The following AK5 variants were observed in gnomAD, a reference collection of about 807,000 sequenced individuals.
AK5 encodes the protein adenylate kinase isoenzyme 5.
A neutral mutation model predicts 69.5 loss-of-function variants in AK5; 27 were observed. The observed-to-expected ratio is 0.39, with a 90% CI of 0.29 to 0.54. The LOEUF is 0.54. Ranked by LOEUF, AK5 falls within the 20% of genes least tolerant of loss-of-function variation. The pLI is 0.71. For synonymous variants in AK5, 260 were observed against 244.4 expected (o/e 1.06, Z -0.60); for missense variants, 531 against 700.4 (o/e 0.76, Z 2.73).
At chr1:77,498,128 G>A (rs779909561) in intron 10 of AK5, among the ~76,000 whole-genome samples, 2 of 152,092 alleles carry the variant, frequency 1.3e-5, no homozygotes, top group Non-Finnish European at 2.9e-5. Flanking sequence ...GAGGAAAGGG[G>A]GATATCTAGA....
chr1:77,374,095 G>A (rs370268662), intron 6 of AK5, among the ~76,000 whole-genome samples: 2 of 152,216 alleles, frequency 1.3e-5, no homozygotes, highest in East Asian at 1.9e-4. Flanking sequence ...CTCATAGTCC[G>A]TAAGAACTCA....
At chr1:77,522,426 A>G (rs1658042056) in intron 12 of AK5, among the ~76,000 whole-genome samples, 1 of 152,188 alleles carries the variant, frequency 6.6e-6, no homozygotes, top group Non-Finnish European at 1.5e-5. Context: ...AGCCTGGAGG[A>G]CCAAGGAAGG....
chr1:77,543,872 C>A (rs925846490), intron 13 of AK5, among the ~76,000 whole-genome samples: 1 of 151,930 alleles, frequency 6.6e-6, no homozygotes, highest in African/African-American at 2.4e-5. Flanking sequence ...TCTGCAGGTG[C>A]AGAACTTTGG....
intron 6 of AK5, among the ~76,000 whole-genome samples, chr1:77,356,685 G>A (rs1662542091): frequency 6.6e-6 from 1 of 152,160 alleles, no homozygotes; most frequent in Non-Finnish European, 1.5e-5. Context: ...ACAAGACACA[G>A]ATATTCTTAT....
intron 5 of AK5, among the ~76,000 whole-genome samples, chr1:77,323,134 A>T (rs1660620239): frequency 6.6e-6 from 1 of 152,024 alleles, no homozygotes; most frequent in South Asian, 2.1e-4. Flanking sequence ...GACTACAGGC[A>T]TGCACCACCA....
At chr1:77,312,994 AT>A (rs1321909456) in intron 5 of AK5, among the ~76,000 whole-genome samples, 2 of 151,958 alleles carry the variant, frequency 1.3e-5, no homozygotes, top group African/African-American at 4.8e-5. Flanking sequence ...CAAAAAAATT[AT>A]TTCTGTGACC....
intron 11 of AK5, among the ~76,000 whole-genome samples, chr1:77,519,999 T>C (rs1427618478): frequency 6.6e-6 from 1 of 152,012 alleles, no homozygotes; most frequent in Non-Finnish European, 1.5e-5. Context: ...GTCAGGAGTT[T>C]GAGACCAGCC....
chr1:77,342,670 A>G (rs1570410862), intron 6 of AK5, among the ~76,000 whole-genome samples: 1 of 152,206 alleles, frequency 6.6e-6, no homozygotes, highest in East Asian at 1.9e-4. Context: ...AACCTGGATC[A>G]TAGTTTATTG....
chr1:77,453,991 G>A (rs1223123589), intron 8 of AK5, among the ~76,000 whole-genome samples: 1 of 152,140 alleles, frequency 6.6e-6, no homozygotes, highest in Non-Finnish European at 1.5e-5. Flanking sequence ...ATAGGGTCTG[G>A]AAAGACTCAC....
intron 13 of AK5, among the ~76,000 whole-genome samples, chr1:77,551,070 G>C (rs575600886): frequency 6.6e-6 from 1 of 152,298 alleles, no homozygotes; most frequent in East Asian, 1.9e-4. Context: ...CCAGCTACTC[G>C]GGAGGCTGAG....
chr1:77,348,997 C>A (rs549049511), intron 6 of AK5, among the ~76,000 whole-genome samples: 1 of 152,188 alleles, frequency 6.6e-6, no homozygotes, highest in Non-Finnish European at 1.5e-5. Context: ...TAATCAATAT[C>A]TTTTAAAGAG....
chr1:77,381,099 G>A (rs140846462), intron 6 of AK5, among the ~76,000 whole-genome samples: 4 of 152,176 alleles, frequency 2.6e-5, no homozygotes, highest in African/African-American at 7.2e-5. Context: ...GTTCCCCCCC[G>A]AATTTGTACA....
intron 5 of AK5, among the ~76,000 whole-genome samples, chr1:77,318,984 A>T (rs760923521): frequency 2.0e-5 from 3 of 152,160 alleles, no homozygotes; most frequent in Non-Finnish European, 4.4e-5. Flanking sequence ...GGACATGAGG[A>T]AAAAATGGAA....
chr1:77,404,607 G>C (rs1020427116), intron 6 of AK5, among the ~76,000 whole-genome samples: 1 of 152,132 alleles, frequency 6.6e-6, no homozygotes, highest in Non-Finnish European at 1.5e-5. Flanking sequence ...TTTGCTAAAA[G>C]AATTAAAAGA....
chr1:77,349,190 C>T lies in AK5; in HGVS notation c.891+8622C>T, dbSNP rs558206772. ...TGCTTAATACGTGCCTAGTACTATT[C>T]GGAATGTTTCTGTTCTCACTTATAA... On this transcript the variant is annotated intron_variant, in intron 6 of 13. Coordinates refer to ENST00000354567, the MANE Select transcript of AK5 (RefSeq NM_174858.3). 2.0e-4 allele frequency among the ~76,000 whole-genome samples: 30 copies of T among 152,182 alleles called. No individual in the cohort carries two copies. In the East Asian group the frequency reaches 4.8e-3, roughly 24 times the overall value.
intron 8 of AK5, among the ~76,000 whole-genome samples, chr1:77,454,288 G>A (rs149265953): frequency 2.0e-5 from 3 of 152,224 alleles, no homozygotes; most frequent in African/African-American, 7.2e-5. Context: ...GATAGACAGT[G>A]TTGGCTCATT....
intron 13 of AK5, among the ~76,000 whole-genome samples, chr1:77,556,039 T>C (rs1356830120): frequency 6.6e-6 from 1 of 152,354 alleles, no homozygotes; most frequent in Non-Finnish European, 1.5e-5. Context: ...GAGTCTCCTG[T>C]AAGGATGAAG....
chr1:77,443,499 G>A (rs1042759328), intron 8 of AK5, among the ~76,000 whole-genome samples: 2 of 152,164 alleles, frequency 1.3e-5, no homozygotes, highest in African/African-American at 4.8e-5. Context: ...ACCTAGCACA[G>A]TAGACCATCC....
At chr1:77,541,275 T>C (rs1044521401) in intron 13 of AK5, among the ~76,000 whole-genome samples, 1 of 151,988 alleles carries the variant, frequency 6.6e-6, no homozygotes, top group African/African-American at 2.4e-5. Flanking sequence ...AATACAAAAG[T>C]TAGCCAGGCG....
Sources: allele counts gnomAD v4.1 joint callset (sites outside exome capture counted in the v4.1 genomes callset), GRCh38; gene constraint gnomAD v4.1.1; transcripts MANE v1.5; gene names NCBI Gene and HGNC (gene_info 2026-07-23, HGNC 2026-07-21).